NOS1: variants seen among roughly 807,000 people sequenced by gnomAD.
NOS1 encodes the protein nitric oxide synthase 1, also known as NOS type I.
NOS1 carries 51 observed loss-of-function variants against 164.5 expected under a neutral mutation model. That is an observed-to-expected ratio of 0.31 (90% CI 0.25 to 0.39). The LOEUF (loss-of-function observed/expected upper bound fraction) is 0.39. Ranked by LOEUF, NOS1 falls within the 10% of genes least tolerant of loss-of-function variation. The pLI is 1.00. For synonymous variants in NOS1, 719 were observed against 745.8 expected (o/e 0.96, Z 0.59); for missense variants, 1,362 against 1,885.6 (o/e 0.72, Z 5.14).
rs41494753 is a variant in NOS1 at position 117,272,303 on chromosome 12, G to A, written c.1839+82C>T. 226 of 1,503,972 alleles carry A rather than the reference G, an allele frequency of 1.5e-4. No individual in the cohort carries two copies. In the African/African-American group the frequency reaches 2.7e-3, roughly 18 times the overall value. 93.2% of individuals were successfully genotyped at this position (1,503,972 alleles called of 1,614,324 possible). On this transcript the variant is annotated intron_variant, in intron 10 of 28. Transcript: ENST00000317775. This position sits in a 1 kb window ranked among gnomAD's most constrained non-coding sequence, Gnocchi z 4.3. ...CCCCTTCAAGTTTCCAAGCCACCAA[G>A]CTCGCCGTGGGGAAGGGGACTGCTG... is the stretch of plus-strand genomic sequence containing the variant.
At chr12:117,336,968 T>C (rs1875850539) in intron 1 of NOS1, among the ~76,000 whole-genome samples, 2 of 152,100 alleles carry the variant, frequency 1.3e-5, no homozygotes, top group Non-Finnish European at 1.5e-5. Flanking sequence ...AGCTAATTTT[T>C]GTATTTTTGT....
At chr12:117,339,258 T>C in intron 1 of NOS1, among the ~76,000 whole-genome samples, 1 of 152,172 alleles carries the variant, frequency 6.6e-6, no homozygotes, top group Non-Finnish European at 1.5e-5. Flanking sequence ...ATTCCCCCAG[T>C]TTCATGGCTA....
chr12:117,334,917 G>A (rs148233302), intron 1 of NOS1, among the ~76,000 whole-genome samples: 84 of 152,224 alleles, frequency 5.5e-4, no homozygotes, highest in Non-Finnish European at 8.1e-4. Flanking sequence ...AGAGCTGGCC[G>A]CCTCCTGCCC....
chr12:117,325,473 G>A (rs528088058), intron 2 of NOS1, among the ~76,000 whole-genome samples: 1 of 152,240 alleles, frequency 6.6e-6, no homozygotes, highest in South Asian at 2.1e-4. Context: ...GTAGTAGGGA[G>A]GTGGCATTAG....
At position 117,258,308 on chromosome 12, in the gene NOS1, A is replaced by G. The variant is rs1871624763; in HGVS notation, c.2531+89T>C. The G allele has an allele frequency of 3.1e-6, 4 of 1,296,634 alleles. No individual in the cohort carries two copies. In the South Asian group the frequency reaches 4.9e-5, roughly 16 times the overall value. The allele number at this position is 1,296,634 out of a possible 1,614,324, so 80.3% of individuals were successfully genotyped here. A position where few individuals can be genotyped will look rare whatever the true frequency, so the allele number is the denominator to read the frequency against. ...GGACTTCAGATTACAGCCACCATCCAGAACTCAAATGTGAACCCCAGGTGC... is the reference window on the plus strand; with the variant it reads ...GGACTTCAGATTACAGCCACCATCCGGAACTCAAATGTGAACCCCAGGTGC... On this transcript the variant is annotated intron_variant, in intron 16 of 28. Coordinates refer to ENST00000317775, the MANE Select transcript of NOS1 (RefSeq NM_000620.5).
Position 117,227,412 on chromosome 12 carries a change from T to C in NOS1, c.3616+19A>G, listed in dbSNP as rs767838729. 4.3e-6 allele frequency: 7 copies of C among 1,612,630 alleles called. No individual in the cohort carries two copies. The Admixed American group carries it at 5.0e-5, about 12-fold the overall frequency. ...GGGGAAAATGCAGCTGAGGAGGCTC[T>C]CCCAGTGCCTCCGCCCACCTCGAGT... On this transcript the variant is annotated intron_variant, in intron 23 of 28. Transcript: ENST00000317775.
rs190934960 is a variant in NOS1 at position 117,254,797 on chromosome 12, C to A, written c.2532-1043G>T. Among the ~76,000 whole-genome samples the A allele has an allele frequency of 1.3e-3, 204 of 152,274 alleles. 1 individual carries two copies. The highest frequency in any genetic ancestry group is 4.7e-3 in the African/African-American group (194 of 41,556). ...TTAGTGGCTGCTATAGTGGACAGCA[C>A]AGATATAGAACATTTACATCTCTCT... is the stretch of plus-strand genomic sequence containing the variant. On this transcript the variant is annotated intron_variant, in intron 16 of 28. Coordinates refer to ENST00000317775, the MANE Select transcript of NOS1 (RefSeq NM_000620.5).
rs13377860 is a variant in NOS1, at chr12:117,234,734, G to T, written c.3066C>A (p.Leu1022=). 6.2e-7 allele frequency: 1 copy of T among 1,613,232 alleles called. No homozygotes were observed. Among genetic ancestry groups the T allele is most frequent in the Non-Finnish European group, 8.5e-7 (1 of 1,179,430 alleles). ...GCAGCTCCTGGCTCCCGTTGGTGTG[G>T]AGACGCACGAAGATAGTTGACCGAC... is the stretch of plus-strand genomic sequence containing the variant. ...KSSRSTIFVR[L]HTNGSQELQY... The change falls in exon 21 of 29, where the codon CTC becomes CTA. Residue 1022 remains leucine, a synonymous_variant. Coordinates refer to ENST00000317775, the MANE Select transcript of NOS1 (RefSeq NM_000620.5). This position sits in a 1 kb window ranked among gnomAD's most constrained non-coding sequence, Gnocchi z 4.3.
chr12:117,338,632 AT>A (rs1013872638), intron 1 of NOS1, among the ~76,000 whole-genome samples: 3 of 152,202 alleles, frequency 2.0e-5, no homozygotes, highest in African/African-American at 7.2e-5. Flanking sequence ...AATTAAAAAA[AT>A]CTAACTCATC....
At chr12:117,261,630 C>T (rs1429114577) in intron 13 of NOS1, among the ~76,000 whole-genome samples, 2 of 152,026 alleles carry the variant, frequency 1.3e-5, no homozygotes, top group African/African-American at 4.8e-5. Context: ...GAGCCTGATA[C>T]CCAACAGGCA....
intron 25 of NOS1, 96 bp from the exon 26 acceptor site, chr12:117,222,959 T>G: frequency 7.1e-7 from 1 of 1,403,726 alleles, no homozygotes. Context: ...CCTTAGCGTG[T>G]GCCATGCGGA....
At chr12:117,216,565 T>C (rs1956614917) in intron 28 of NOS1, among the ~76,000 whole-genome samples, 1 of 151,518 alleles carries the variant, frequency 6.6e-6, no homozygotes, top group Non-Finnish European at 1.5e-5. Flanking sequence ...GCAGTCTCGA[T>C]CTCCCTGGGA....
intron 3 of NOS1, chr12:117,301,881 C>A (rs1056202184): frequency 2.4e-6 from 1 of 409,610 alleles, no homozygotes; most frequent in South Asian, 1.7e-5. Flanking sequence ...GCCTCAAATT[C>A]GCAATATATT....
rs1870397334 is a variant in NOS1, at chr12:117,243,806, C to G, written c.2824-371G>C. Among the ~76,000 whole-genome samples the G allele has an allele frequency of 1.3e-5, 2 of 151,344 alleles. No homozygotes were observed. On this transcript the variant is annotated intron_variant, in intron 18 of 28. Coordinates refer to ENST00000317775, the MANE Select transcript of NOS1 (RefSeq NM_000620.5). The surrounding 1 kb of genome is among the most constrained non-coding windows in gnomAD (Gnocchi z 4.3). Reference sequence around the variant, plus strand: ...CATCTTTCCATGCATCCATCCTTCCCTCCATCTACCCACCCACTCATCCAT... The same window carrying G: ...CATCTTTCCATGCATCCATCCTTCCGTCCATCTACCCACCCACTCATCCAT...
intron 22 of NOS1, among the ~76,000 whole-genome samples, chr12:117,231,628 G>A (rs1035015478): frequency 2.0e-5 from 3 of 152,132 alleles, no homozygotes; most frequent in Non-Finnish European, 4.4e-5. Flanking sequence ...ACCAAGGCAT[G>A]GTGAGATCCT....
chr12:117,261,178 CAAAAAAAAA>C (rs534260940), intron 13 of NOS1, among the ~76,000 whole-genome samples: 6 of 77,268 alleles, frequency 7.8e-5, no homozygotes, highest in East Asian at 3.1e-4. Context: ...GACTCTGCCT[CAAAAAAAAA>C]AAAAAAAAAA....
intron 12 of NOS1, 45 bp from the exon 13 acceptor site, chr12:117,264,019 G>A: frequency 2.6e-6 from 4 of 1,524,212 alleles, no homozygotes; most frequent in South Asian, 1.1e-5. Flanking sequence ...TGCAGTGAGG[G>A]CATCTGGTTC....
chr12:117,220,020 G>A lies in NOS1; in HGVS notation c.4170+55C>T, dbSNP rs1208821102. 6.0e-6 allele frequency: 9 copies of A among 1,509,228 alleles called. No homozygotes were observed. The Admixed American group carries it at 1.8e-4, about 30-fold the overall frequency. 93.5% of individuals were successfully genotyped at this position (1,509,228 alleles called of 1,614,324 possible). On this transcript the variant is annotated intron_variant, in intron 27 of 28. Transcript: ENST00000317775. The stretch of plus-strand genomic sequence containing the variant: ...TCAAGACAGGTTGGATGAAAAAGGG[G>A]GGATAGGAGAGTGGATGTAGGAAAA...
intron 1 of NOS1, among the ~76,000 whole-genome samples, chr12:117,348,714 T>C (rs1203919936): frequency 2.6e-5 from 4 of 152,198 alleles, no homozygotes; most frequent in African/African-American, 9.7e-5. Flanking sequence ...GATCTAATCA[T>C]GAAAACACAT....
Sources: gnomAD v4.1 joint callset for allele counts (sites outside exome capture counted in the v4.1 genomes callset) on GRCh38, gnomAD v4.1.1 for gene constraint, Gnocchi (gnomAD v3.1) non-coding constraint, MANE v1.5 for transcripts, NCBI Gene and HGNC (gene_info 2026-07-23, HGNC 2026-07-21) for gene names.